AHCTF1: variants seen among roughly 807,000 people sequenced by gnomAD.
AHCTF1 encodes the protein protein ELYS.
A neutral mutation model predicts 248.4 loss-of-function variants in AHCTF1; 24 were observed. The observed-to-expected ratio is 0.10, with a 90% CI of 0.07 to 0.14. AHCTF1 has a LOEUF of 0.14. Ranked by LOEUF, AHCTF1 falls within the 10% of genes least tolerant of loss-of-function variation. The pLI, the probability that AHCTF1 is intolerant of heterozygous loss-of-function variation, is 1.00. For missense variants in AHCTF1, 2,206 were observed against 2,636.2 expected (o/e 0.84, Z 3.57); for synonymous variants, 786 against 929.8 (o/e 0.85, Z 2.81).
At chr1:246,898,023 G>A (rs896167630) in intron 12 of AHCTF1, among the ~76,000 whole-genome samples, 185 bp downstream of exon 12, 46 of 152,106 alleles carry the variant, frequency 3.0e-4, no homozygotes, top group African/African-American at 1.1e-3. Context: ...GCCAAGTTAT[G>A]GCCTATTGGG....
Position 246,888,221 on chromosome 1 carries a change from T to C in AHCTF1, c.2281A>G (p.Met761Val), listed in dbSNP as rs766112046. ...PPASLHAVLD[M>V]YLLDGVTEAA... ...TCAGTAACGCCGTCTAATAGGTACA[T>C]ATCAAGTACTGCCTATAAAACAAAG... The change falls in exon 19 of 36, where the codon ATG (methionine) becomes GTG (valine). Residue 761 changes from methionine (M) to valine (V), a missense_variant. By Grantham distance (21) the Met-to-Val change is conservative (BLOSUM62 1). This residue lies in a region of AHCTF1 where 650 missense variants were observed against 870.8 expected (regional missense o/e 0.75). Transcript: ENST00000648844. 2 of 1,614,088 alleles carry C rather than the reference T, an allele frequency of 1.2e-6. No individual in the cohort carries two copies. Among genetic ancestry groups the C allele is most frequent in the South Asian group, 1.1e-5 (1 of 91,078 alleles).
chr1:246,858,830 A>C (rs565784632), intron 29 of AHCTF1, among the ~76,000 whole-genome samples: 1 of 152,126 alleles, frequency 6.6e-6, no homozygotes, highest in Non-Finnish European at 1.5e-5. Context: ...ACAAATTTCT[A>C]TTTGAGACTG....
At chr1:246,886,563 T>C (rs1046352018) in intron 20 of AHCTF1, among the ~76,000 whole-genome samples, 3 of 151,894 alleles carry the variant, frequency 2.0e-5, no homozygotes, top group African/African-American at 7.3e-5. Flanking sequence ...ACAAGAAAAA[T>C]GTCTGTACAT....
intron 1 of AHCTF1, among the ~76,000 whole-genome samples, chr1:246,919,775 C>T (rs1195447611): frequency 6.6e-6 from 1 of 151,170 alleles, no homozygotes; most frequent in Non-Finnish European, 1.5e-5. Context: ...CCAAGCAATC[C>T]ACGGAAACAA....
chr1:246,902,793 GA>G (rs1375887391), intron 7 of AHCTF1, 118 bp from the exon 8 acceptor site: 1 of 966,180 alleles, frequency 1.0e-6, no homozygotes, highest in African/African-American at 1.7e-5. Flanking sequence ...AATTTAGACT[GA>G]AGAGAACCAA....
chr1:246,895,937 AT>A lies in AHCTF1; in HGVS notation c.1624-13del. On this transcript the variant is annotated splice_polypyrimidine_tract_variant and intron_variant, in intron 12 of 35. Coordinates refer to ENST00000648844, the MANE Select transcript of AHCTF1 (RefSeq NM_001323342.2). ...TCTAACTGTTCTTCCTAAACCATGC[AT>A]TACAGAAAGGAAAGAAATGGAAAGA... 1 of 1,601,548 alleles carries A rather than the reference AT, an allele frequency of 6.2e-7. No homozygotes were observed. Among genetic ancestry groups the A allele is most frequent in the Non-Finnish European group, 8.5e-7 (1 of 1,173,026 alleles).
intron 1 of AHCTF1, among the ~76,000 whole-genome samples, chr1:246,922,622 G>A (rs1666621948): frequency 3.3e-5 from 5 of 151,300 alleles, no homozygotes. Flanking sequence ...TTGAACTCCT[G>A]GGTTCCAGCA....
chr1:246,887,475 G>T, intron 19 of AHCTF1, 118 bp from the exon 20 acceptor site: 1 of 1,060,486 alleles, frequency 9.4e-7, no homozygotes, highest in Non-Finnish European at 1.3e-6. Flanking sequence ...CCTGTTTTTA[G>T]TGTTTAGAAA....
chr1:246,910,769 T>C (rs920481525), intron 4 of AHCTF1, among the ~76,000 whole-genome samples: 6 of 109,022 alleles, frequency 5.5e-5, no homozygotes, highest in African/African-American at 2.7e-4. Context: ...CTGCTTCTGA[T>C]GTCTTTTTCA....
At chr1:246,896,219 A>G (rs991323844) in intron 12 of AHCTF1, among the ~76,000 whole-genome samples, 2 of 152,206 alleles carry the variant, frequency 1.3e-5, no homozygotes, top group African/African-American at 2.4e-5. Flanking sequence ...ACACCTAGGT[A>G]TATACCAAAA....
chr1:246,931,381 C>G (rs1435567345), intron 1 of AHCTF1, 197 bp downstream of exon 1: 1 of 1,511,436 alleles, frequency 6.6e-7, no homozygotes, highest in African/African-American at 1.4e-5. Flanking sequence ...CGCCCGCGAG[C>G]CTGCCGTACC....
intron 20 of AHCTF1, among the ~76,000 whole-genome samples, chr1:246,886,360 A>G (rs1026562596): frequency 6.6e-6 from 1 of 152,188 alleles, no homozygotes; most frequent in Non-Finnish European, 1.5e-5. Context: ...AAAAAATAAC[A>G]GTATAATGAT....
intron 13 of AHCTF1, among the ~76,000 whole-genome samples, chr1:246,895,058 CAA>C (rs989807875): frequency 8.6e-5 from 13 of 151,056 alleles, no homozygotes; most frequent in Non-Finnish European, 1.8e-4. Context: ...TTTTGAAAGA[CAA>C]AGTGACAAAA....
chr1:246,873,480 C>A, intron 24 of AHCTF1, among the ~76,000 whole-genome samples: 1 of 151,512 alleles, frequency 6.6e-6, no homozygotes, highest in South Asian at 2.1e-4. Flanking sequence ...CGTCCCAATA[C>A]TAAATGTACT....
In AHCTF1 at chr1:246,867,632, A is replaced by C. The variant is rs536467115; in HGVS notation, c.3239+29T>G. On this transcript the variant is annotated intron_variant, in intron 25 of 35. Transcript: ENST00000648844. Reference sequence around the variant, plus strand: ...TGTCCAGTAAAGATTAACAAGCAGCATGACTATGAAACGTGTAAGAAAACA... The same window carrying C: ...TGTCCAGTAAAGATTAACAAGCAGCCTGACTATGAAACGTGTAAGAAAACA... 4.4e-6 allele frequency: 7 copies of C among 1,606,976 alleles called. No homozygotes were observed. In the African/African-American group the frequency reaches 8.0e-5, roughly 18 times the overall value.
chr1:246,918,448 A>C, intron 1 of AHCTF1, 71 bp from the exon 2 acceptor site: 1 of 1,362,120 alleles, frequency 7.3e-7, no homozygotes, highest in Non-Finnish European at 9.7e-7. Context: ...ATGTCCAGCC[A>C]GGAAAAACAG....
intron 5 of AHCTF1, 60 bp downstream of exon 5, chr1:246,907,491 G>A: frequency 2.1e-6 from 3 of 1,443,382 alleles, no homozygotes; most frequent in Non-Finnish European, 1.9e-6. Context: ...TAGTAAATGA[G>A]TACAAGCTAT....
rs1458641326 is a variant in AHCTF1 at position 246,916,363 on chromosome 1, G to T, written c.154C>A (p.Pro52Thr). 8.1e-6 allele frequency: 13 copies of T among 1,603,118 alleles called. No individual in the cohort carries two copies. Among genetic ancestry groups the T allele is most frequent in the South Asian group, 1.1e-5 (1 of 88,764 alleles). ...ATAGAGTTTACTACCTCAAGTTGTG[G>T]ACCACAAGCCAAGCAAGCAAGTCCA... The part of the protein sequence containing the change: ...KNGLACLACG[P>T]QLEVVNSITG... Residue 52 changes from proline (P) to threonine (T), a missense_variant, in exon 3 of 36, where the codon CCA (proline) becomes ACA (threonine). This residue lies in a region of AHCTF1 where 69 missense variants were observed against 85.4 expected (regional missense o/e 0.81). Transcript: ENST00000648844.
chr1:246,892,774 G>A (rs980614672), intron 14 of AHCTF1, among the ~76,000 whole-genome samples: 1 of 151,686 alleles, frequency 6.6e-6, no homozygotes, highest in African/African-American at 2.4e-5. Context: ...TGGGACTATA[G>A]GCATGTGCCA....
Sources: allele counts gnomAD v4.1 joint callset (sites outside exome capture counted in the v4.1 genomes callset), GRCh38; gene constraint gnomAD v4.1.1; regional missense constraint gnomAD v4.1.1; transcripts MANE v1.5; gene names NCBI Gene and HGNC (gene_info 2026-07-23, HGNC 2026-07-21).